The following DIPK1A variants were observed in gnomAD, a reference collection of about 807,000 sequenced individuals.
The protein encoded by DIPK1A is divergent protein kinase domain 1A.
Under a neutral mutation model 40.8 loss-of-function variants are expected in DIPK1A, and 27 were observed. The ratio of observed to expected loss-of-function variants is 0.66; its 90% CI spans 0.49 to 0.91. The LOEUF (loss-of-function observed/expected upper bound fraction) is 0.91. Ranked by LOEUF, DIPK1A falls within the 40% of genes least tolerant of loss-of-function variation. The probability of loss-of-function intolerance (pLI) is 0.00; values close to 1 mark genes in which losing one functional copy is unlikely to be tolerated. For missense variants in DIPK1A, 412 were observed against 505.7 expected (o/e 0.81, Z 1.78); for synonymous variants, 166 against 171.3 (o/e 0.97, Z 0.24).
intron 2 of DIPK1A, among the ~76,000 whole-genome samples, chr1:92,872,472 GAAT>G (rs1229051871): frequency 6.6e-6 from 1 of 151,986 alleles, no homozygotes; most frequent in Non-Finnish European, 1.5e-5. Context: ...AACTGAACAT[GAAT>G]ATAAAGTTAT....
At position 92,842,926 on chromosome 1, in the gene DIPK1A, A is replaced by G; in HGVS notation, c.*457T>C. 2 of 988,274 alleles carry G rather than the reference A, an allele frequency of 2.0e-6. No homozygotes were observed. Among genetic ancestry groups the G allele is most frequent in the Non-Finnish European group, 1.2e-6 (1 of 831,910 alleles). 61.2% of individuals were successfully genotyped at this position (988,274 alleles called of 1,614,324 possible). ...TCTGTTTTATAAAGAAGCAAGTTTA[A>G]CCTGCTTTGCAGTCTTAATTTCTGT... On this transcript the variant is annotated 3_prime_UTR_variant, in exon 5 of 5. Transcript: ENST00000370310.
At chr1:92,874,493 CCT>C (rs886956880) in intron 2 of DIPK1A, among the ~76,000 whole-genome samples, 1 of 152,058 alleles carries the variant, frequency 6.6e-6, no homozygotes, top group African/African-American at 2.4e-5. Context: ...TTTATTTAAC[CCT>C]CTGTTTCCAA....
chr1:92,938,468 TA>T (rs71094215), intron 1 of DIPK1A, among the ~76,000 whole-genome samples: 2,754 of 98,556 alleles, frequency 0.028, 74 homozygotes, highest in African/African-American at 0.094. Flanking sequence ...AGACCTTTAC[TA>T]AAAAAAAAAA....
chr1:92,941,686 G>A (rs1270573470), intron 1 of DIPK1A, among the ~76,000 whole-genome samples: 1 of 152,154 alleles, frequency 6.6e-6, no homozygotes, highest in Non-Finnish European at 1.5e-5. Context: ...CGACGCAAGT[G>A]AAGGTGGGAA....
chr1:92,925,824 T>C (rs1244137676), intron 1 of DIPK1A, among the ~76,000 whole-genome samples: 2 of 152,194 alleles, frequency 1.3e-5, no homozygotes, highest in African/African-American at 2.4e-5. Flanking sequence ...TTTAATTTTG[T>C]GTCAGTTTTG....
chr1:92,944,047 C>A (rs888197047), intron 1 of DIPK1A, among the ~76,000 whole-genome samples: 7 of 151,612 alleles, frequency 4.6e-5, no homozygotes, highest in Non-Finnish European at 1.0e-4. Context: ...GAATAGGAAA[C>A]CATAAAAAGA....
chr1:92,893,567 A>G (rs1255763959), intron 1 of DIPK1A, among the ~76,000 whole-genome samples: 2 of 151,820 alleles, frequency 1.3e-5, no homozygotes, highest in Non-Finnish European at 2.9e-5. Context: ...TGTAAAGACC[A>G]TCGAGGCTAG....
chr1:92,916,504 G>A (rs1277209740), intron 1 of DIPK1A, among the ~76,000 whole-genome samples: 2 of 151,994 alleles, frequency 1.3e-5, no homozygotes, highest in African/African-American at 4.8e-5. Context: ...GTTTCACCAT[G>A]TTGGCCAGGC....
At chr1:92,838,588 A>AT (rs963332754), downstream of DIPK1A, among the ~76,000 whole-genome samples, 6 of 152,180 alleles carry the variant, frequency 3.9e-5, no homozygotes, top group African/African-American at 1.4e-4. Flanking sequence ...TGGCTCATTA[A>AT]TTTTATCTAC....
intron 2 of DIPK1A, among the ~76,000 whole-genome samples, chr1:92,869,081 T>C (rs1647707978): frequency 6.6e-6 from 1 of 151,920 alleles, no homozygotes; most frequent in Middle Eastern, 3.4e-3. Context: ...GATAGATACC[T>C]CTTCTAAAAT....
At chr1:92,871,835 T>C (rs765351124) in intron 2 of DIPK1A, among the ~76,000 whole-genome samples, 4 of 152,298 alleles carry the variant, frequency 2.6e-5, no homozygotes, top group Non-Finnish European at 5.9e-5. Flanking sequence ...TGTATCTATA[T>C]ACAATATTTT....
chr1:92,873,596 C>T (rs1647979228), intron 2 of DIPK1A, among the ~76,000 whole-genome samples: 1 of 146,350 alleles, frequency 6.8e-6, no homozygotes, highest in Non-Finnish European at 1.5e-5. Flanking sequence ...GCCCGGGTGA[C>T]AGAGCAAAAC....
At chr1:92,893,118 C>T (rs886207987) in intron 1 of DIPK1A, among the ~76,000 whole-genome samples, 1 of 151,862 alleles carries the variant, frequency 6.6e-6, no homozygotes, top group Non-Finnish European at 1.5e-5. Flanking sequence ...GCTAGCAAGG[C>T]AGGCCAACAT....
At chr1:92,860,816 T>C (rs537179507) in intron 2 of DIPK1A, among the ~76,000 whole-genome samples, 3 of 152,094 alleles carry the variant, frequency 2.0e-5, no homozygotes, top group African/African-American at 7.2e-5. Flanking sequence ...GGGTTAGAAC[T>C]TTAATAAGTT....
chr1:92,921,223 A>G (rs1354283611), intron 1 of DIPK1A, among the ~76,000 whole-genome samples: 3 of 152,140 alleles, frequency 2.0e-5, no homozygotes, highest in Non-Finnish European at 4.4e-5. Context: ...GTGAGACACA[A>G]TTTCAGCCCT....
chr1:92,886,466 G>A (rs370011434), intron 1 of DIPK1A, among the ~76,000 whole-genome samples: 9 of 152,014 alleles, frequency 5.9e-5, no homozygotes, highest in Middle Eastern at 3.4e-3. Context: ...GATTATATGC[G>A]TGAGCCACTG....
chr1:92,905,725 G>C (rs1321349820), intron 1 of DIPK1A, among the ~76,000 whole-genome samples: 1 of 152,032 alleles, frequency 6.6e-6, no homozygotes, highest in Non-Finnish European at 1.5e-5. Context: ...AATTTCCCCA[G>C]TGTTTTCTGG....
At chr1:92,910,804 T>C (rs999174267) in intron 1 of DIPK1A, among the ~76,000 whole-genome samples, 1 of 152,154 alleles carries the variant, frequency 6.6e-6, no homozygotes, top group African/African-American at 2.4e-5. Flanking sequence ...TATTCAGACT[T>C]CCTGTTTTAC....
In DIPK1A at chr1:92,847,174, T is replaced by A; in HGVS notation, c.474+9A>T. 1 of 1,510,270 alleles carries A rather than the reference T, an allele frequency of 6.6e-7. No individual in the cohort carries two copies. Among genetic ancestry groups the A allele is most frequent in the East Asian group, 2.5e-5 (1 of 40,114 alleles). 93.6% of individuals were successfully genotyped at this position (1,510,270 alleles called of 1,614,324 possible). Reference sequence around the variant, plus strand: ...TTCACACTAGCAACATATGAATGGGTATGCTTACCTTAAAGAGACTATAGA... The same window carrying A: ...TTCACACTAGCAACATATGAATGGGAATGCTTACCTTAAAGAGACTATAGA... On this transcript the variant is annotated intron_variant, in intron 4 of 4. Transcript: ENST00000370310.
Sources: gnomAD v4.1 joint callset for allele counts (sites outside exome capture counted in the v4.1 genomes callset) on GRCh38, gnomAD v4.1.1 for gene constraint, MANE v1.5 for transcripts, NCBI Gene and HGNC (gene_info 2026-07-23, HGNC 2026-07-21) for gene names.